The following ADGRE2 variants were observed in gnomAD, a reference collection of about 807,000 sequenced individuals.
ADGRE2 encodes CD97 antigen.
Under a neutral mutation model 100.8 loss-of-function variants are expected in ADGRE2, and 83 were observed. The ratio of observed to expected loss-of-function variants is 0.82; its 90% CI spans 0.69 to 0.99. The LOEUF is 0.99. ADGRE2 is among the 50% of genes least tolerant of loss of function. The pLI, the probability that ADGRE2 is intolerant of heterozygous loss-of-function variation, is 0.00. For missense variants in ADGRE2, 814 were observed against 1,035.7 expected (o/e 0.79, Z 2.94); for synonymous variants, 355 against 413.0 (o/e 0.86, Z 1.70).
chr19:14,740,590 C>T (rs993046781), intron 20 of ADGRE2, among the ~76,000 whole-genome samples: 10 of 142,644 alleles, frequency 7.0e-5, no homozygotes, highest in Admixed American at 4.4e-4. Flanking sequence ...CATTGTACTC[C>T]AGCCTGGGTA....
intron 2 of ADGRE2, chr19:14,776,508 G>A: frequency 1.7e-6 from 1 of 598,592 alleles, no homozygotes; most frequent in Non-Finnish European, 3.0e-6. Flanking sequence ...CAGGGTAGCA[G>A]GCTCCGAGAG....
At chr19:14,759,328 G>T (rs1019657530) in intron 11 of ADGRE2, among the ~76,000 whole-genome samples, 1 of 151,996 alleles carries the variant, frequency 6.6e-6, no homozygotes, top group Non-Finnish European at 1.5e-5. Flanking sequence ...GAAAAGAAAT[G>T]ATTTGGGGGC....
intron 11 of ADGRE2, among the ~76,000 whole-genome samples, chr19:14,763,330 G>C (rs551599055): frequency 6.6e-6 from 1 of 152,000 alleles, no homozygotes; most frequent in East Asian, 1.9e-4. Context: ...GCGACAGAGT[G>C]AGACTCTGTC....
At chr19:14,752,218 C>A in intron 15 of ADGRE2, 111 bp downstream of exon 15, 1 of 1,366,580 alleles carries the variant, frequency 7.3e-7, no homozygotes, top group Non-Finnish European at 1.0e-6. Flanking sequence ...CAGGCATGAG[C>A]CACCACGCCC....
intron 11 of ADGRE2, among the ~76,000 whole-genome samples, chr19:14,764,112 G>C (rs1337002887): frequency 6.6e-6 from 1 of 151,738 alleles, no homozygotes; most frequent in South Asian, 2.1e-4. Flanking sequence ...AACCAGGCTG[G>C]AGTACAGTGA....
In ADGRE2 at chr19:14,772,533, G is replaced by T. The variant is rs760289969; in HGVS notation, c.200-36C>A. The stretch of plus-strand genomic sequence containing the variant: ...ACAGGACAGGAGGTCATCTCCCAAA[G>T]ATGTGAGTTCCGTCAGGGCAGAGAC... On this transcript the variant is annotated intron_variant, in intron 4 of 20. Coordinates refer to ENST00000315576, the MANE Select transcript of ADGRE2 (RefSeq NM_013447.4). 4 of 1,610,652 alleles carry T rather than the reference G, an allele frequency of 2.5e-6. No homozygotes were observed. The South Asian group carries it at 4.4e-5, about 18-fold the overall frequency.
Position 14,773,984 on chromosome 19 carries a change from G to C in ADGRE2, c.153C>G (p.Phe51Leu). ...NATACRCNPG[F>L]SSFSEIITTP... ...TGGTGATGATCTCAGAAAAAGAGCT[G>C]AACCCTGGATTGCAGCGACAGGCGG... Residue 51 changes from phenylalanine to leucine, a missense_variant, in exon 4 of 21, where the codon TTC (phenylalanine) becomes TTG (leucine). Transcript: ENST00000315576. 1.2e-6 allele frequency: 2 copies of C among 1,614,056 alleles called. No homozygotes were observed. The highest frequency in any genetic ancestry group is 1.7e-6 in the Non-Finnish European group (2 of 1,180,008).
At chr19:14,762,109 C>T (rs2043747518) in intron 11 of ADGRE2, among the ~76,000 whole-genome samples, 1 of 152,062 alleles carries the variant, frequency 6.6e-6, no homozygotes, top group Non-Finnish European at 1.5e-5. Context: ...CTCAGGGGCT[C>T]CTGAGGGCTG....
Position 14,755,103 on chromosome 19 carries a change from G to T in ADGRE2, c.1441C>A (p.Leu481Ile), listed in dbSNP as rs2043443903. 1 of 1,613,872 alleles carries T rather than the reference G, an allele frequency of 6.2e-7. No homozygotes were observed. The highest frequency in any genetic ancestry group is 1.3e-5 in the African/African-American group (1 of 74,870). The change falls in exon 14 of 21, where the codon CTC becomes ATC. Residue 481 changes from leucine (L) to isoleucine (I), a missense_variant. Coordinates refer to ENST00000315576, the MANE Select transcript of ADGRE2 (RefSeq NM_013447.4). ...HRSVIPRQKV[L>I]CVFWEHGQNG... Reference sequence around the variant, plus strand: ...TGGCCATGCTCCCAGAAGACACAGAGCACCTTCTGTCTCGGGATCACTGAC... The same window carrying T: ...TGGCCATGCTCCCAGAAGACACAGATCACCTTCTGTCTCGGGATCACTGAC...
intron 1 of ADGRE2, among the ~76,000 whole-genome samples, chr19:14,777,480 T>TTAAG (rs1184231385): frequency 8.9e-6 from 1 of 112,264 alleles, no homozygotes; most frequent in Admixed American, 8.2e-5. Context: ...TCTTTTTAAA[T>TTAAG]TAATTAATTA....
intron 5 of ADGRE2, among the ~76,000 whole-genome samples, chr19:14,771,374 G>T (rs936445941): frequency 9.2e-5 from 14 of 152,072 alleles, no homozygotes; most frequent in African/African-American, 3.4e-4. Context: ...CCTGCTACTG[G>T]TTCCCATCTG....
chr19:14,773,621 C>T (rs542656311), intron 4 of ADGRE2, among the ~76,000 whole-genome samples: 98 of 152,136 alleles, frequency 6.4e-4, no homozygotes, highest in Non-Finnish European at 1.4e-3. Context: ...AAACAATCCT[C>T]CCGCCTCAGT....
In ADGRE2 at chr19:14,746,293, A is replaced by G. The variant is rs2043084552; in HGVS notation, c.2122T>C (p.Trp708Arg). Residue 708 changes from tryptophan (W) to arginine (R), a missense_variant, in exon 18 of 21, where the codon TGG becomes CGG. Physicochemically the swap from Trp to Arg is moderately radical, Grantham distance 101 (BLOSUM62 -3). This residue lies in a region of ADGRE2 where 569 missense variants were observed against 692.7 expected (regional missense o/e 0.82). Coordinates refer to ENST00000315576, the MANE Select transcript of ADGRE2 (RefSeq NM_013447.4). Reference sequence around the variant, plus strand: ...GAGGAGAGTCTGTTTTTCAAAATCCAGAGAGTCACCAGAAAGAGAACTAAA... The same window carrying G: ...GAGGAGAGTCTGTTTTTCAAAATCCGGAGAGTCACCAGAAAGAGAACTAAA... ...VNLVLFLVTLWILKNRLSSLN... is the reference protein window; with the variant it reads ...VNLVLFLVTLRILKNRLSSLN... 6.2e-7 allele frequency: 1 copy of G among 1,610,188 alleles called. No individual in the cohort carries two copies. The highest frequency in any genetic ancestry group is 8.5e-7 in the Non-Finnish European group (1 of 1,176,684).
chr19:14,729,361 T>A (rs1031807887), downstream of ADGRE2, among the ~76,000 whole-genome samples: 1 of 125,338 alleles, frequency 8.0e-6, no homozygotes, highest in Non-Finnish European at 1.7e-5. Context: ...AACGATACAC[T>A]TTTTTTTTTT....
the ADGRE2 span, among the ~76,000 whole-genome samples, chr19:14,726,981 A>G: frequency 1.3e-5 from 2 of 150,012 alleles, no homozygotes; most frequent in African/African-American, 4.9e-5. Context: ...TTGCGTTGCT[A>G]TAAAGGAATA....
chr19:14,753,698 G>A (rs1199334363), intron 14 of ADGRE2, among the ~76,000 whole-genome samples: 1 of 152,000 alleles, frequency 6.6e-6, no homozygotes, highest in Admixed American at 6.6e-5. Context: ...GGAGGCTGAG[G>A]CAGGAGGATC....
chr19:14,776,908 C>A lies in ADGRE2; in HGVS notation c.-152G>T. Reference sequence around the variant, plus strand: ...CGGACAGCCGCTGGCCCAGGGCCCTCCCCGGAACTGGCGGTGCAGCTGGAA... The same window carrying A: ...CGGACAGCCGCTGGCCCAGGGCCCTACCCGGAACTGGCGGTGCAGCTGGAA... On this transcript the variant is annotated 5_prime_UTR_variant, in exon 2 of 21. Transcript: ENST00000315576. 1 of 1,493,726 alleles carries A rather than the reference C, an allele frequency of 6.7e-7. No homozygotes were observed. The highest frequency in any genetic ancestry group is 2.4e-5 in the Admixed American group (1 of 40,884). The allele number at this position is 1,493,726 out of a possible 1,614,324, so 92.5% of individuals were successfully genotyped here. A position where few individuals can be genotyped will look rare whatever the true frequency, so the allele number is the denominator to read the frequency against.
intron 15 of ADGRE2, among the ~76,000 whole-genome samples, 181 bp downstream of exon 15, chr19:14,752,148 G>C (rs1210090942): frequency 6.6e-6 from 1 of 151,798 alleles, no homozygotes; most frequent in East Asian, 1.9e-4. Context: ...GGTCAGGCTG[G>C]TCTCAAACTC....
intron 18 of ADGRE2, among the ~76,000 whole-genome samples, chr19:14,744,178 A>G (rs2043014463): frequency 6.6e-6 from 1 of 151,324 alleles, no homozygotes; most frequent in Non-Finnish European, 1.5e-5. Flanking sequence ...CAGGAGGCGG[A>G]GGTTGCAGTG....
Sources: gnomAD v4.1 joint callset for allele counts (sites outside exome capture counted in the v4.1 genomes callset) on GRCh38, gnomAD v4.1.1 for gene constraint, gnomAD v4.1.1 regional missense constraint, MANE v1.5 for transcripts, NCBI Gene and HGNC (gene_info 2026-07-23, HGNC 2026-07-21) for gene names.